The following CCNB3 variants were observed in gnomAD, a reference collection of about 807,000 sequenced individuals.
The protein encoded by CCNB3 is cyclin B3.
CCNB3 carries 12 observed loss-of-function variants against 68.0 expected under a neutral mutation model. The observed-to-expected ratio is 0.18, with a 90% CI of 0.11 to 0.29. The LOEUF is 0.29. Among genes scored for constraint, CCNB3 ranks in the 10% least tolerant of loss-of-function variants. CCNB3 has a pLI of 1.00. For synonymous variants in CCNB3, 354 were observed against 388.9 expected, an observed-to-expected ratio of 0.91 and a Z score of 1.06; for missense variants, 904 against 993.1, an observed-to-expected ratio of 0.91 and a Z score of 1.21.
chrX:50,300,987 G>T (rs374342657), intron 5 of CCNB3, among the ~76,000 whole-genome samples: 6 of 110,927 alleles, frequency 5.4e-5, no homozygotes, highest in African/African-American at 2.0e-4. Context: ...GCTCCATCAG[G>T]TCCTTTAAGG....
chrX:50,306,278 A>T (rs1921071329), intron 5 of CCNB3, among the ~76,000 whole-genome samples: 1 of 111,146 alleles, frequency 9.0e-6, no homozygotes, highest in Admixed American at 9.6e-5. Flanking sequence ...TTTTCAGATT[A>T]TTCATTGCAA....
chrX:50,288,935 G>A, intron 4 of CCNB3, 48 bp downstream of exon 4: 1 of 860,119 alleles, frequency 1.2e-6, no homozygotes, highest in Non-Finnish European at 1.7e-6. Flanking sequence ...ATAAGGCTTA[G>A]ACATGCTGTT....
At chrX:50,212,697 G>C (rs1935502115) in intron 1 of CCNB3, among the ~76,000 whole-genome samples, 1 of 110,297 alleles carries the variant, frequency 9.1e-6, no homozygotes, top group African/African-American at 3.3e-5. Flanking sequence ...ATACATCCCA[G>C]CTTTAGGCAA....
At chrX:50,338,172 T>C (rs1922950060) in intron 8 of CCNB3, among the ~76,000 whole-genome samples, 1 of 112,191 alleles carries the variant, frequency 8.9e-6, no homozygotes, top group Non-Finnish European at 1.9e-5. Flanking sequence ...CCCACAGGGA[T>C]GCTCCACAGG....
At chrX:50,279,345 A>G (rs1216026261) in intron 1 of CCNB3, among the ~76,000 whole-genome samples, 1 of 75,940 alleles carries the variant, frequency 1.3e-5, no homozygotes, top group Non-Finnish European at 2.3e-5. Flanking sequence ...GAATATATAT[A>G]TGAATATAGG....
chrX:50,320,058 G>A (rs1921938239), intron 8 of CCNB3, among the ~76,000 whole-genome samples: 1 of 110,727 alleles, frequency 9.0e-6, no homozygotes, highest in South Asian at 3.8e-4. Flanking sequence ...GATGGATGTC[G>A]GGATGTTGGT....
In CCNB3 at chrX:50,310,483, A is replaced by G. The variant is rs1557214577; in HGVS notation, c.2314A>G (p.Ile772Val). Residue 772 changes from isoleucine to valine, a missense_variant, in exon 6 of 13, where the codon ATC becomes GTC. Physicochemically the swap from Ile to Val is conservative, Grantham distance 29. Coordinates refer to ENST00000376042, the MANE Select transcript of CCNB3 (RefSeq NM_033031.3). The stretch of plus-strand genomic sequence containing the variant: ...GAAGCAGTTGGCTTTGAATGAGACC[A>G]TCAATGAAGAGGAGTTCCTTAATAA... ...LKKQLALNETINEEEFLNKQP... is the reference protein window; with the variant it reads ...LKKQLALNETVNEEEFLNKQP... 2.5e-6 allele frequency: 3 copies of G among 1,208,539 alleles called. No individual in the cohort carries two copies. Among genetic ancestry groups the G allele is most frequent in the African/African-American group, 1.7e-5 (1 of 57,460 alleles).
chrX:50,280,213 T>A (rs1368265175), intron 1 of CCNB3, among the ~76,000 whole-genome samples: 14 of 89,479 alleles, frequency 1.6e-4, no homozygotes, highest in East Asian at 6.7e-4. Flanking sequence ...AATATATTTT[T>A]AGAATATATA....
At chrX:50,292,511 G>A (rs1164982440) in intron 4 of CCNB3, among the ~76,000 whole-genome samples, 3 of 111,517 alleles carry the variant, frequency 2.7e-5, no homozygotes, top group Admixed American at 9.6e-5. Flanking sequence ...GGCACAGGAT[G>A]TCTGTCTTTC....
intron 1 of CCNB3, among the ~76,000 whole-genome samples, chrX:50,222,081 T>TCTTTAA (rs2146987393): frequency 9.0e-6 from 1 of 110,849 alleles, no homozygotes; most frequent in South Asian, 3.9e-4. Flanking sequence ...AGAGACTAGG[T>TCTTTAA]TTGCAACCCC....
chrX:50,304,840 C>T (rs1331609494), intron 5 of CCNB3, among the ~76,000 whole-genome samples: 3 of 111,680 alleles, frequency 2.7e-5, no homozygotes, highest in Admixed American at 9.5e-5. Flanking sequence ...AACAAGTAGG[C>T]GAAGGATATG....
chrX:50,225,900 G>C (rs1935748368), intron 1 of CCNB3, among the ~76,000 whole-genome samples: 1 of 102,725 alleles, frequency 9.7e-6, no homozygotes, highest in Non-Finnish European at 2.0e-5. Flanking sequence ...TTTAGGGCCA[G>C]CTTTTAGATG....
intron 8 of CCNB3, among the ~76,000 whole-genome samples, chrX:50,317,894 G>A (rs1921818227): frequency 9.0e-6 from 1 of 110,877 alleles, no homozygotes; most frequent in South Asian, 3.8e-4. Context: ...TATCTCAAAG[G>A]TTTATAGTTT....
intron 8 of CCNB3, among the ~76,000 whole-genome samples, chrX:50,326,779 A>C (rs1406767992): frequency 4.5e-5 from 5 of 111,536 alleles, no homozygotes; most frequent in African/African-American, 1.6e-4. Flanking sequence ...AGATTGCATA[A>C]ATAGACACTT....
At chrX:50,226,712 T>TATATA (rs1935832044) in intron 1 of CCNB3, among the ~76,000 whole-genome samples, 1 of 79,360 alleles carries the variant, frequency 1.3e-5, no homozygotes, top group African/African-American at 5.0e-5. Context: ...CATATGAATA[T>TATATA]GTACACAGAA....
intron 4 of CCNB3, among the ~76,000 whole-genome samples, chrX:50,292,382 A>G (rs1184893354): frequency 9.1e-6 from 1 of 110,396 alleles, no homozygotes; most frequent in African/African-American, 3.3e-5. Flanking sequence ...CCACTTTGTA[A>G]AATAGAAAAG....
chrX:50,226,174 C>A (rs1490463632), intron 1 of CCNB3, among the ~76,000 whole-genome samples: 3 of 43,560 alleles, frequency 6.9e-5, no homozygotes, highest in Non-Finnish European at 8.4e-5. Context: ...ATCGAATATA[C>A]ATATATAGAT....
At chrX:50,210,572 G>A (rs1935466274) in intron 1 of CCNB3, among the ~76,000 whole-genome samples, 1 of 111,278 alleles carries the variant, frequency 9.0e-6, no homozygotes, top group African/African-American at 3.3e-5. Flanking sequence ...ATCCCAATGG[G>A]TTACTTGTCT....
intron 1 of CCNB3, among the ~76,000 whole-genome samples, chrX:50,218,903 A>C (rs989307251): frequency 1.8e-5 from 2 of 111,754 alleles, no homozygotes; most frequent in South Asian, 7.5e-4. Flanking sequence ...CAAGTGTAAA[A>C]GTGTTCCTAT....
Sources: allele counts gnomAD v4.1 joint callset (sites outside exome capture counted in the v4.1 genomes callset), GRCh38; gene constraint gnomAD v4.1.1; transcripts MANE v1.5; gene names NCBI Gene and HGNC (gene_info 2026-07-23, HGNC 2026-07-21).